TRIM2: variants seen among roughly 807,000 people sequenced by gnomAD.
The protein encoded by TRIM2 is tripartite motif-containing protein 2.
TRIM2 carries 20 observed loss-of-function variants against 75.2 expected under a neutral mutation model. The ratio of observed to expected loss-of-function variants is 0.27; its 90% CI spans 0.19 to 0.39. The LOEUF is 0.39. Among genes scored for constraint, TRIM2 ranks in the 10% least tolerant of loss-of-function variants. TRIM2 has a pLI of 1.00. For synonymous variants in TRIM2, 373 were observed against 388.3 expected, an observed-to-expected ratio of 0.96 and a Z score of 0.46; for missense variants, 660 against 990.8, an observed-to-expected ratio of 0.67 and a Z score of 4.48.
chr4:153,158,347 G>A (rs1729430423), intron 1 of TRIM2, among the ~76,000 whole-genome samples: 1 of 152,154 alleles, frequency 6.6e-6, no homozygotes, highest in Non-Finnish European at 1.5e-5. Flanking sequence ...GCAATCCTAT[G>A]AACTATAATT....
At chr4:153,195,574 G>A (rs1579449335) in intron 1 of TRIM2, among the ~76,000 whole-genome samples, 1 of 152,272 alleles carries the variant, frequency 6.6e-6, no homozygotes, top group African/African-American at 2.4e-5. Context: ...GAGAGAGGCG[G>A]ATTCTCCTTC....
chr4:153,244,625 C>T (rs1239809858), intron 1 of TRIM2, among the ~76,000 whole-genome samples: 1 of 151,720 alleles, frequency 6.6e-6, no homozygotes, highest in Non-Finnish European at 1.5e-5. Context: ...GAAAGCTTTG[C>T]ATTTCCTCTG....
intron 10 of TRIM2, among the ~76,000 whole-genome samples, chr4:153,324,748 A>G (rs1769785939): frequency 6.6e-6 from 1 of 152,236 alleles, no homozygotes; most frequent in Non-Finnish European, 1.5e-5. Flanking sequence ...CACATTACTC[A>G]CTTACTGAAA....
chr4:153,249,165 A>AC (rs1344446537), intron 1 of TRIM2, among the ~76,000 whole-genome samples: 1 of 152,266 alleles, frequency 6.6e-6, no homozygotes. Context: ...TCCTGGTGAG[A>AC]CAAAAAGGTT....
intron 1 of TRIM2, among the ~76,000 whole-genome samples, chr4:153,264,651 C>T (rs1283682513): frequency 6.6e-6 from 1 of 152,120 alleles, no homozygotes; most frequent in Non-Finnish European, 1.5e-5. Context: ...TGATTGAAGG[C>T]CGTTGTATAT....
At chr4:153,254,981 C>T (rs1479817158) in intron 1 of TRIM2, among the ~76,000 whole-genome samples, 1 of 152,198 alleles carries the variant, frequency 6.6e-6, no homozygotes, top group Non-Finnish European at 1.5e-5. Context: ...CCATCTCATG[C>T]CTTTGACTGT....
intron 6 of TRIM2, among the ~76,000 whole-genome samples, chr4:153,301,983 G>T (rs1201371884): frequency 2.0e-5 from 3 of 152,126 alleles, no homozygotes; most frequent in African/African-American, 7.2e-5. Flanking sequence ...GATTCCATAC[G>T]AATTTTAGGA....
intron 6 of TRIM2, among the ~76,000 whole-genome samples, chr4:153,302,859 G>A (rs578233634): frequency 6.6e-6 from 1 of 152,252 alleles, no homozygotes; most frequent in East Asian, 1.9e-4. Context: ...GGTCAAGGAT[G>A]GTGTCTTTAA....
At chr4:153,304,168 C>T (rs898360816) in intron 6 of TRIM2, among the ~76,000 whole-genome samples, 1 of 152,044 alleles carries the variant, frequency 6.6e-6, no homozygotes, top group Admixed American at 6.6e-5. Flanking sequence ...GGCCGAAGTG[C>T]AGTGACATGA....
At chr4:153,257,963 C>G (rs749444965) in intron 1 of TRIM2, among the ~76,000 whole-genome samples, 16 of 152,136 alleles carry the variant, frequency 1.1e-4, no homozygotes, top group Admixed American at 7.9e-4. Context: ...GCAAGATTTT[C>G]TTATCAAGTT....
chr4:153,153,893 G>C (rs935435274), intron 1 of TRIM2, among the ~76,000 whole-genome samples: 1 of 152,214 alleles, frequency 6.6e-6, no homozygotes, highest in Non-Finnish European at 1.5e-5. Context: ...CCTTCTCTTC[G>C]CACAAGGGGT....
At chr4:153,239,347 G>C (rs779002394) in intron 1 of TRIM2, among the ~76,000 whole-genome samples, 10 of 120,892 alleles carry the variant, frequency 8.3e-5, no homozygotes, top group Non-Finnish European at 1.1e-4. Context: ...GCGTGACTCC[G>C]TCTCAAAAAA....
At chr4:153,221,889 AGGAAGGAG>A (rs1740317750) in intron 1 of TRIM2, among the ~76,000 whole-genome samples, 2 of 97,664 alleles carry the variant, frequency 2.0e-5, no homozygotes, top group Non-Finnish European at 4.4e-5. Context: ...GGAGGAAGGA[AGGAAGGAG>A]GGAGGAAGGA....
intron 1 of TRIM2, among the ~76,000 whole-genome samples, chr4:153,154,596 C>T (rs531768002): frequency 6.6e-6 from 1 of 152,154 alleles, no homozygotes; most frequent in East Asian, 1.9e-4. Context: ...GGAGGATTGG[C>T]TTAATGAGAG....
At chr4:153,284,568 G>T (rs1328840983) in intron 3 of TRIM2, among the ~76,000 whole-genome samples, 1 of 152,148 alleles carries the variant, frequency 6.6e-6, no homozygotes, top group Non-Finnish European at 1.5e-5. Context: ...AAGCATAAGG[G>T]TTCTAATTTC....
In TRIM2 at chr4:153,291,267, A is replaced by G. The variant is rs79919856; in HGVS notation, c.454-1715A>G. 9.7e-3 allele frequency among the ~76,000 whole-genome samples: 1,485 copies of G among 152,324 alleles called. 26 individuals are homozygous for G. The highest frequency in any genetic ancestry group is 0.033 in the African/African-American group (1,390 of 41,580). On this transcript the variant is annotated intron_variant, in intron 3 of 11. Transcript: ENST00000338700. Reference sequence around the variant, plus strand: ...AGGAGAATCTTCTCCAGAAAGCACTATGTAACATAGTGAGTCTTAATGAGG... The same window carrying G: ...AGGAGAATCTTCTCCAGAAAGCACTGTGTAACATAGTGAGTCTTAATGAGG...
At chr4:153,198,017 C>A (rs1388719500) in intron 1 of TRIM2, among the ~76,000 whole-genome samples, 1 of 152,184 alleles carries the variant, frequency 6.6e-6, no homozygotes, top group Non-Finnish European at 1.5e-5. Context: ...TCTTGGACTT[C>A]CAGCCTCCAG....
At chr4:153,238,780 C>T (rs1193535590) in intron 1 of TRIM2, among the ~76,000 whole-genome samples, 1 of 152,120 alleles carries the variant, frequency 6.6e-6, no homozygotes, top group Non-Finnish European at 1.5e-5. Context: ...GCAGCATGTC[C>T]AGCACTTGAA....
chr4:153,334,773 T>C, intron 11 of TRIM2, 41 bp from the exon 12 acceptor site: 1 of 1,549,300 alleles, frequency 6.5e-7, no homozygotes. Context: ...CATATTACTA[T>C]AACTTCTCCT....
Sources: gnomAD v4.1 joint callset for allele counts (sites outside exome capture counted in the v4.1 genomes callset) on GRCh38, gnomAD v4.1.1 for gene constraint, MANE v1.5 for transcripts, NCBI Gene and HGNC (gene_info 2026-07-23, HGNC 2026-07-21) for gene names.